Variants in PDS5B observed in about 807,000 individuals in gnomAD.
PDS5B encodes PDS5 cohesin associated factor B.
Under a neutral mutation model 184.1 loss-of-function variants are expected in PDS5B, and 51 were observed. The observed-to-expected ratio is 0.28, with a 90% CI of 0.22 to 0.35. The LOEUF is 0.35. Among genes scored for constraint, PDS5B ranks in the 10% least tolerant of loss-of-function variants. The probability of loss-of-function intolerance (pLI) is 1.00; values close to 1 mark genes in which losing one functional copy is unlikely to be tolerated. For missense variants in PDS5B, 1,180 were observed against 1,723.3 expected (o/e 0.68, Z 5.58); for synonymous variants, 566 against 569.2 (o/e 0.99, Z 0.08).
intron 30 of PDS5B, among the ~76,000 whole-genome samples, chr13:32,763,798 C>G (rs760674548): frequency 3.9e-5 from 6 of 152,088 alleles, no homozygotes; most frequent in Non-Finnish European, 5.9e-5. Flanking sequence ...CATTAAAGAT[C>G]AGGTGCCTAT....
At chr13:32,588,968 C>T (rs1375942592) in intron 1 of PDS5B, among the ~76,000 whole-genome samples, 1 of 152,204 alleles carries the variant, frequency 6.6e-6, no homozygotes. Context: ...TGTATTCTTT[C>T]TGCTTTACCT....
At chr13:32,676,003 A>G (rs779302146) in intron 9 of PDS5B, 44 bp downstream of exon 9, 6 of 1,073,440 alleles carry the variant, frequency 5.6e-6, no homozygotes, top group Non-Finnish European at 8.6e-6. Flanking sequence ...ACATTATTCT[A>G]CTGACCGTTT....
intron 3 of PDS5B, among the ~76,000 whole-genome samples, chr13:32,657,195 T>G (rs542468881): frequency 1.3e-5 from 2 of 152,334 alleles, no homozygotes; most frequent in South Asian, 4.1e-4. Flanking sequence ...ACTATTATTG[T>G]GTCATTATCT....
chr13:32,722,270 C>G (rs1324197803), intron 19 of PDS5B, among the ~76,000 whole-genome samples: 1 of 152,218 alleles, frequency 6.6e-6, no homozygotes, highest in African/African-American at 2.4e-5. Context: ...GCAGGAGAAT[C>G]AGGCAGGGAG....
chr13:32,594,343 T>G (rs2057823589), intron 1 of PDS5B, among the ~76,000 whole-genome samples: 1 of 152,168 alleles, frequency 6.6e-6, no homozygotes, highest in Non-Finnish European at 1.5e-5. Context: ...GAATGGATGT[T>G]TGCATACTTC....
intron 3 of PDS5B, chr13:32,652,628 A>C (rs1950399277): frequency 6.6e-6 from 1 of 150,584 alleles, no homozygotes; most frequent in African/African-American, 2.4e-5. Flanking sequence ...GGTACTGTGC[A>C]CCTGTAATCC....
At chr13:32,603,775 A>C (rs1380014745) in intron 1 of PDS5B, among the ~76,000 whole-genome samples, 8 of 152,196 alleles carry the variant, frequency 5.3e-5, no homozygotes, top group Non-Finnish European at 1.2e-4. Context: ...AGTGGTTTGT[A>C]GTTCTCTTTG....
At chr13:32,684,574 G>A (rs746206335) in intron 11 of PDS5B, among the ~76,000 whole-genome samples, 1 of 152,200 alleles carries the variant, frequency 6.6e-6, no homozygotes, top group African/African-American at 2.4e-5. Context: ...GTGAACTTGA[G>A]AGGACTGTAT....
intron 19 of PDS5B, among the ~76,000 whole-genome samples, chr13:32,715,662 CACGGTCTCCCTCTCCCT>C (rs939652716): frequency 7.9e-5 from 12 of 151,264 alleles, no homozygotes; most frequent in Non-Finnish European, 1.5e-5. Flanking sequence ...TCCCTCTCCC[CACGGTCTCCCTCTCCCT>C]CTCTTTCCAC....
chr13:32,603,816 A>T (rs1021547486), intron 1 of PDS5B, among the ~76,000 whole-genome samples: 1 of 152,064 alleles, frequency 6.6e-6, no homozygotes, highest in Non-Finnish European at 1.5e-5. Flanking sequence ...TGTAAGTTGG[A>T]TACTTAGGTA....
At chr13:32,750,182 T>C (rs953717786) in intron 24 of PDS5B, among the ~76,000 whole-genome samples, 7 of 152,198 alleles carry the variant, frequency 4.6e-5, no homozygotes, top group African/African-American at 1.7e-4. Flanking sequence ...TAACATCACT[T>C]TGATGACTTT....
chr13:32,772,575 A>T (rs1021036794), intron 33 of PDS5B, among the ~76,000 whole-genome samples: 1 of 152,160 alleles, frequency 6.6e-6, no homozygotes, highest in African/African-American at 2.4e-5. Context: ...GTTGGATTGT[A>T]GTTGTGGGGA....
chr13:32,675,855 TGAG>T lies in PDS5B; in HGVS notation c.862_864del (p.Glu288del), dbSNP rs1180932641. 6.2e-7 allele frequency: 1 copy of T among 1,604,190 alleles called. No individual in the cohort carries two copies. Among genetic ancestry groups the T allele is most frequent in the Non-Finnish European group, 8.5e-7 (1 of 1,171,196 alleles). On this transcript the variant is annotated inframe_deletion, in exon 9 of 35. Coordinates refer to ENST00000315596, the MANE Select transcript of PDS5B (RefSeq NM_015032.4). ...GTGTTTTATTTTAGAGCAATGATAA[TGAG>T]GAGCGCCTACAAGTTGTTAAACTAC...
At chr13:32,631,158 T>C (rs1455089238) in intron 1 of PDS5B, among the ~76,000 whole-genome samples, 1 of 148,800 alleles carries the variant, frequency 6.7e-6, no homozygotes, top group Non-Finnish European at 1.5e-5. Context: ...CTCTGTTGCT[T>C]GGGCTGGGGT....
intron 20 of PDS5B, among the ~76,000 whole-genome samples, chr13:32,734,062 C>G (rs375927304): frequency 6.7e-6 from 1 of 149,450 alleles, no homozygotes. Flanking sequence ...GAGTCTTGCT[C>G]TGTCATCCAG....
At chr13:32,603,443 C>T (rs1036286505) in intron 1 of PDS5B, among the ~76,000 whole-genome samples, 1 of 152,222 alleles carries the variant, frequency 6.6e-6, no homozygotes, top group Admixed American at 6.5e-5. Flanking sequence ...CTTTTCTGTT[C>T]CATTGGTCTA....
intron 23 of PDS5B, among the ~76,000 whole-genome samples, chr13:32,743,570 A>G (rs1953639262): frequency 6.6e-6 from 1 of 152,118 alleles, no homozygotes; most frequent in Admixed American, 6.5e-5. Flanking sequence ...TCCTTAATAT[A>G]TCTAAAGACT....
intron 1 of PDS5B, among the ~76,000 whole-genome samples, chr13:32,630,992 C>G (rs2058445283): frequency 6.6e-6 from 1 of 152,070 alleles, no homozygotes; most frequent in African/African-American, 2.4e-5. Context: ...CAGGGTTTCA[C>G]CATGTTGGCC....
In PDS5B at chr13:32,748,032, A is replaced by G. The variant is rs563426169; in HGVS notation, c.2736+1932A>G. ...CCAAATTCCCAAGGTGAAAGTTCAA[A>G]TGGCCTAAACTTTAAGATTGCTTTG... On this transcript the variant is annotated intron_variant, in intron 24 of 34. Coordinates refer to ENST00000315596, the MANE Select transcript of PDS5B (RefSeq NM_015032.4). Among the ~76,000 whole-genome samples the G allele has an allele frequency of 5.3e-5, 8 of 152,334 alleles. No homozygotes were observed. In the South Asian group the frequency reaches 6.2e-4, roughly 12 times the overall value.
Sources: allele counts gnomAD v4.1 joint callset (sites outside exome capture counted in the v4.1 genomes callset), GRCh38; gene constraint gnomAD v4.1.1; transcripts MANE v1.5; gene names NCBI Gene and HGNC (gene_info 2026-07-23, HGNC 2026-07-21).